Variants in OPCML observed in about 807,000 individuals in gnomAD.
The protein encoded by OPCML is opioid binding protein/cell adhesion molecule like.
In OPCML, 13 loss-of-function variants were observed where a neutral mutation model predicts 37.8. The ratio of observed to expected loss-of-function variants is 0.34; its 90% CI spans 0.22 to 0.55. The LOEUF (loss-of-function observed/expected upper bound fraction) is 0.55, where lower values mean the gene tolerates loss of function less well. Ranked by LOEUF, OPCML falls within the 20% of genes least tolerant of loss-of-function variation. The pLI, the probability that OPCML is intolerant of heterozygous loss-of-function variation, is 0.91. For synonymous variants in OPCML, 176 were observed against 168.8 expected (o/e 1.04, Z -0.33); for missense variants, 341 against 435.6 (o/e 0.78, Z 1.93).
At chr11:132,892,194 G>A (rs769401742) in intron 2 of OPCML, among the ~76,000 whole-genome samples, 4 of 152,180 alleles carry the variant, frequency 2.6e-5, no homozygotes, top group African/African-American at 4.8e-5. Context: ...CTGGAGAGCT[G>A]GAGAGGCTGG....
At chr11:133,141,217 C>G (rs536871887) in intron 1 of OPCML, among the ~76,000 whole-genome samples, 186 of 152,058 alleles carry the variant, frequency 1.2e-3, no homozygotes, top group African/African-American at 4.2e-3. Flanking sequence ...CACGTGGTCT[C>G]CATTCCAAGC....
chr11:132,585,188 G>A (rs932401020), intron 3 of OPCML, among the ~76,000 whole-genome samples: 2 of 152,040 alleles, frequency 1.3e-5, no homozygotes, highest in Non-Finnish European at 2.9e-5. Flanking sequence ...TTTAGGCATC[G>A]ATGTCACTCT....
chr11:132,815,405 C>A (rs886529166), intron 2 of OPCML, among the ~76,000 whole-genome samples: 6 of 152,146 alleles, frequency 3.9e-5, no homozygotes, highest in Non-Finnish European at 7.4e-5. Context: ...ATACATCAGA[C>A]AAAAATAATA....
chr11:133,334,680 C>T (rs1245578238), intron 1 of OPCML, among the ~76,000 whole-genome samples: 1 of 152,130 alleles, frequency 6.6e-6, no homozygotes, highest in Non-Finnish European at 1.5e-5. Flanking sequence ...CACTTTAACC[C>T]ATTGGCCTCT....
Position 133,458,768 on chromosome 11 carries a change from C to T in OPCML, c.61+73496G>A, listed in dbSNP as rs368454843. 2.5e-4 allele frequency among the ~76,000 whole-genome samples: 6 copies of T among 24,240 alleles called. 2 individuals are homozygous for T. Among genetic ancestry groups the T allele is most frequent in the African/African-American group, 6.3e-4 (5 of 7,994 alleles). The allele number at this position is 24,240 out of a possible 152,430, so 15.9% of individuals were successfully genotyped here. A position where few individuals can be genotyped will look rare whatever the true frequency, so the allele number is the denominator to read the frequency against. ...GTGTGTATATATACACATAGATGCA[C>T]GTGTGTGTATATACACATAGATGCA... On this transcript the variant is annotated intron_variant, in intron 1 of 7. Coordinates refer to ENST00000524381, the MANE Select transcript of OPCML (RefSeq NM_001012393.5).
In OPCML at chr11:132,796,565, C is replaced by CTT. The variant is rs71067396; in HGVS notation, c.147-139248_147-139247dup. Among the ~76,000 whole-genome samples, 91 of 88,578 alleles carry CTT rather than the reference C, an allele frequency of 1.0e-3. 5 individuals are homozygous for CTT. The highest frequency in any genetic ancestry group is 3.0e-3 in the African/African-American group (66 of 22,122). 58.1% of individuals were successfully genotyped at this position (88,578 alleles called of 152,430 possible). A position where few individuals can be genotyped will look rare whatever the true frequency, so the allele number is the denominator to read the frequency against. ...TTATTATTATCCACTTTTCTTCTTT[C>CTT]TTTTTTTTTTTTTTTTTTTTTTTTT... On this transcript the variant is annotated intron_variant, in intron 2 of 7. Transcript: ENST00000524381.
intron 1 of OPCML, among the ~76,000 whole-genome samples, chr11:133,484,074 A>C (rs1003887681): frequency 2.8e-5 from 4 of 140,814 alleles, no homozygotes; most frequent in Admixed American, 2.7e-4. Flanking sequence ...AGATAGATAG[A>C]TAGATAGATT....
At chr11:133,384,247 C>CAAAAAAAAAAAAAAAAAA (rs1186998875) in intron 1 of OPCML, among the ~76,000 whole-genome samples, 6 of 71,246 alleles carry the variant, frequency 8.4e-5, no homozygotes, top group African/African-American at 2.8e-4. Flanking sequence ...GGCCACTGTG[C>CAAAAAAAAAAAAAAAAAA]AAAAAAAAAA....
chr11:132,916,275 C>T (rs894881550), intron 2 of OPCML, among the ~76,000 whole-genome samples: 1 of 152,182 alleles, frequency 6.6e-6, no homozygotes, highest in Non-Finnish European at 1.5e-5. Context: ...CTAAGAGAGA[C>T]TCCCTCTTGT....
intron 7 of OPCML, among the ~76,000 whole-genome samples, chr11:132,433,762 T>C (rs1465563611): frequency 1.3e-5 from 2 of 152,134 alleles, no homozygotes; most frequent in Non-Finnish European, 2.9e-5. Context: ...CCTCTCTCTC[T>C]TTTTCTATGA....
intron 1 of OPCML, among the ~76,000 whole-genome samples, chr11:133,498,292 C>T (rs983924932): frequency 6.6e-6 from 1 of 152,156 alleles, no homozygotes; most frequent in Non-Finnish European, 1.5e-5. Context: ...CAAGGAAGGC[C>T]TGAAATTCTA....
At chr11:132,968,914 T>C (rs1423420213) in intron 1 of OPCML, among the ~76,000 whole-genome samples, 1 of 152,194 alleles carries the variant, frequency 6.6e-6, no homozygotes, top group Non-Finnish European at 1.5e-5. Context: ...AAAGGAGTGG[T>C]GAGAGAGGAC....
intron 1 of OPCML, among the ~76,000 whole-genome samples, chr11:133,439,759 G>A (rs549544334): frequency 2.6e-5 from 4 of 152,046 alleles, no homozygotes; most frequent in Non-Finnish European, 4.4e-5. Context: ...GAGCCACCGA[G>A]CCCGGCCCAA....
chr11:133,437,384 G>A (rs1275290860), intron 1 of OPCML, among the ~76,000 whole-genome samples: 4 of 152,146 alleles, frequency 2.6e-5, no homozygotes, highest in Non-Finnish European at 5.9e-5. Flanking sequence ...TCTTCCTGGG[G>A]AGTCAAGATG....
intron 1 of OPCML, among the ~76,000 whole-genome samples, chr11:133,105,456 A>AAACAATG: frequency 6.6e-6 from 1 of 152,234 alleles, no homozygotes; most frequent in Non-Finnish European, 1.5e-5. Flanking sequence ...ACCATTGTTT[A>AAACAATG]GTGCCAGTGG....
At chr11:132,684,506 A>G (rs565411168) in intron 2 of OPCML, among the ~76,000 whole-genome samples, 1 of 152,322 alleles carries the variant, frequency 6.6e-6, no homozygotes, top group South Asian at 2.1e-4. Context: ...GGACACAGAT[A>G]CTAAATCTAA....
At chr11:133,472,878 A>C (rs1017153767) in intron 1 of OPCML, among the ~76,000 whole-genome samples, 2 of 152,032 alleles carry the variant, frequency 1.3e-5, no homozygotes, top group Non-Finnish European at 2.9e-5. Flanking sequence ...AACAGGAAGC[A>C]CTGCTGCACC....
intron 3 of OPCML, among the ~76,000 whole-genome samples, chr11:132,653,745 G>A (rs1226655960): frequency 6.6e-6 from 1 of 152,186 alleles, no homozygotes; most frequent in African/African-American, 2.4e-5. Flanking sequence ...CATGGCAGGA[G>A]GGATAAAGCT....
chr11:133,056,859 T>C (rs1490662141), intron 1 of OPCML, among the ~76,000 whole-genome samples: 2 of 152,222 alleles, frequency 1.3e-5, no homozygotes, highest in African/African-American at 4.8e-5. Flanking sequence ...TTTATTTATT[T>C]TGAGACGGAA....
Sources: allele counts gnomAD v4.1 joint callset (sites outside exome capture counted in the v4.1 genomes callset), GRCh38; gene constraint gnomAD v4.1.1; transcripts MANE v1.5; gene names NCBI Gene and HGNC (gene_info 2026-07-23, HGNC 2026-07-21).